Variants in UVSSA observed in about 807,000 individuals in gnomAD.
UVSSA encodes the protein UV-stimulated scaffold protein A.
A neutral mutation model predicts 73.9 loss-of-function variants in UVSSA; 72 were observed. The observed-to-expected ratio is 0.97, with a 90% CI of 0.81 to 1.19. The LOEUF is 1.19. UVSSA is among the 50% of genes most tolerant of loss of function. The probability of loss-of-function intolerance (pLI) is 0.00; values close to 1 mark genes in which losing one functional copy is unlikely to be tolerated. For missense variants in UVSSA, 1,150 were observed against 965.0 expected (o/e 1.19, Z -2.54); for synonymous variants, 454 against 391.3 (o/e 1.16, Z -1.89).
At chr4:1,394,282 T>C (rs1253703657) in exon 14 of UVSSA, 1 of 813,044 alleles carries the variant, frequency 1.2e-6, no homozygotes. Flanking sequence ...ATGAGTTATG[T>C]AGTTGAATTA....
intron 10 of UVSSA, among the ~76,000 whole-genome samples, chr4:1,377,527 G>C (rs922343704): frequency 6.6e-6 from 1 of 152,114 alleles, no homozygotes; most frequent in Non-Finnish European, 1.5e-5. Context: ...TTGCCACCAG[G>C]GGTGCCCCAA....
intron 8 of UVSSA, among the ~76,000 whole-genome samples, chr4:1,367,251 G>T (rs1392955137): frequency 1.3e-5 from 2 of 152,170 alleles, no homozygotes; most frequent in African/African-American, 4.8e-5. Context: ...CCAGGATTGT[G>T]GCCCTGGGGG....
chr4:1,351,962 G>C (rs955969003), intron 4 of UVSSA, 127 bp downstream of exon 4: 2 of 1,441,630 alleles, frequency 1.4e-6, no homozygotes, highest in African/African-American at 2.9e-5. Context: ...TAGGTGGAGA[G>C]GATTCAGGTC....
chr4:1,347,698 T>G lies in UVSSA; in HGVS notation c.-65T>G, dbSNP rs956602306. On this transcript the variant is annotated 5_prime_UTR_variant, in exon 1 of 14. Transcript: ENST00000389851. ...CTCCGGACGCGACTTTTCATTGGTC[T>G]CAGAATTTCTTGGCTCCTCTTGGCC... 5.8e-6 allele frequency: 1 copy of G among 171,168 alleles called. No homozygotes were observed. The highest frequency in any genetic ancestry group is 1.3e-5 in the Non-Finnish European group (1 of 79,068). 10.6% of individuals were successfully genotyped at this position (171,168 alleles called of 1,614,324 possible).
In UVSSA at chr4:1,383,923, G is replaced by A. The variant is rs762732553; in HGVS notation, c.2019G>A (p.Gly673=). The change falls in exon 13 of 14, where the codon GGG becomes GGA. Residue 673 remains glycine, a synonymous_variant. Transcript: ENST00000389851. The stretch of plus-strand genomic sequence containing the variant: ...CTGATACCGCCCGCGCTCGCATTGG[G>A]AGAAAAGTCTTCGCCAAGTAAGAGT... ...AQADTARARI[G]RKVFAKAAVR... is the part of the protein sequence containing the mutation. 18 of 1,612,324 alleles carry A rather than the reference G, an allele frequency of 1.1e-5. No homozygotes were observed. The highest frequency in any genetic ancestry group is 1.5e-5 in the Non-Finnish European group (18 of 1,179,560).
chr4:1,395,449 C>G, exon 14 of UVSSA: 1 of 1,594,002 alleles, frequency 6.3e-7, no homozygotes, highest in South Asian at 1.1e-5. Flanking sequence ...CCCGCCTGCT[C>G]ACGTGCCCAT....
intron 7 of UVSSA, among the ~76,000 whole-genome samples, chr4:1,363,450 G>A (rs1716916660): frequency 6.6e-6 from 1 of 152,170 alleles, no homozygotes; most frequent in Non-Finnish European, 1.5e-5. Context: ...TCAAGGGTGC[G>A]AACAGGAAGC....
chr4:1,394,234 G>A (rs976318669), exon 14 of UVSSA: 12 of 616,726 alleles, frequency 1.9e-5, no homozygotes, highest in Admixed American at 9.3e-5. Context: ...GCTTCTCAGC[G>A]GCCACTGTGG....
At chr4:1,379,739 T>G (rs1719218595) in intron 10 of UVSSA, among the ~76,000 whole-genome samples, 1 of 151,142 alleles carries the variant, frequency 6.6e-6, no homozygotes, top group African/African-American at 2.4e-5. Flanking sequence ...GTCGTGCCCG[T>G]GGTCGCGCGG....
chr4:1,383,967 C>A (rs750549013), intron 13 of UVSSA, 27 bp downstream of exon 13: 84 of 1,595,294 alleles, frequency 5.3e-5, no homozygotes, highest in Non-Finnish European at 6.8e-5. Flanking sequence ...GGTCACCTCC[C>A]ACCGCGTGGC....
In UVSSA at chr4:1,375,474, C is replaced by T; in HGVS notation, c.1399C>T (p.Leu467Phe). 2 of 1,612,172 alleles carry T rather than the reference C, an allele frequency of 1.2e-6. No individual in the cohort carries two copies. Among genetic ancestry groups the T allele is most frequent in the Non-Finnish European group, 1.7e-6 (2 of 1,179,950 alleles). Residue 467 changes from leucine (L) to phenylalanine (F), a missense_variant, in exon 9 of 14, where the codon CTC (leucine) becomes TTC (phenylalanine). Coordinates refer to ENST00000389851, the MANE Select transcript of UVSSA (RefSeq NM_020894.4). ...CTCTGCGGCTGCTCAGCTGCGGCAG[C>T]TCCGGGACCACTTGCCTCCACCCTC... is the stretch of plus-strand genomic sequence containing the variant. ...PTSAAAQLRQLRDHLPPPSSA... is the reference protein window; with the variant it reads ...PTSAAAQLRQFRDHLPPPSSA...
chr4:1,348,446 A>G (rs978450931), intron 2 of UVSSA, among the ~76,000 whole-genome samples: 3 of 152,220 alleles, frequency 2.0e-5, no homozygotes, highest in Non-Finnish European at 4.4e-5. Context: ...CACATCCTGT[A>G]GGAGTTCTTG....
intron 2 of UVSSA, 108 bp downstream of exon 2, chr4:1,348,297 C>A: frequency 1.2e-6 from 1 of 817,068 alleles, no homozygotes; most frequent in Non-Finnish European, 2.0e-6. Context: ...CCGAGGGACA[C>A]ACCCAGGACA....
At chr4:1,351,417 G>C (rs192680426) in intron 3 of UVSSA, among the ~76,000 whole-genome samples, 23 of 140,256 alleles carry the variant, frequency 1.6e-4, no homozygotes, top group African/African-American at 5.9e-4. Flanking sequence ...ACAGAGTCTC[G>C]CTCTGTCGCC....
chr4:1,374,384 C>T (rs1488082648), intron 8 of UVSSA, among the ~76,000 whole-genome samples: 6 of 152,242 alleles, frequency 3.9e-5, no homozygotes, highest in African/African-American at 9.6e-5. Flanking sequence ...CGAGAGGCGC[C>T]GTCAGGGTCG....
intron 8 of UVSSA, among the ~76,000 whole-genome samples, chr4:1,372,107 G>A (rs1051193078): frequency 2.0e-5 from 3 of 152,050 alleles, no homozygotes; most frequent in African/African-American, 7.2e-5. Context: ...AGCTTTTCTA[G>A]TACCCACATA....
chr4:1,386,080 A>T lies in UVSSA; in HGVS notation c.*119A>T, dbSNP rs531431808. The stretch of plus-strand genomic sequence containing the variant: ...CTTTGTCTATTACTGTGTTTGATGT[A>T]AAGAAATGGTGTGTTGCAATGCCCT... On this transcript the variant is annotated 3_prime_UTR_variant, in exon 14 of 14. Transcript: ENST00000389851. The T allele has an allele frequency of 9.3e-6, 10 of 1,075,300 alleles. No homozygotes were observed. Among genetic ancestry groups the T allele is most frequent in the Non-Finnish European group, 1.3e-5 (9 of 718,040 alleles). 66.6% of individuals were successfully genotyped at this position (1,075,300 alleles called of 1,614,324 possible).
At chr4:1,381,616 C>A (rs1481864418) in intron 12 of UVSSA, among the ~76,000 whole-genome samples, 2 of 152,146 alleles carry the variant, frequency 1.3e-5, no homozygotes, top group Non-Finnish European at 2.9e-5. Context: ...TATCTGTTTT[C>A]CAAGGAAGAT....
In UVSSA at chr4:1,350,052, G is replaced by A. The variant is rs529031698; in HGVS notation, c.429+198G>A. ...ATCTAGGGTCACGGCCTCCCTGAGA[G>A]GGGCGGCGCAGCTCTGAGAGGAAGA... On this transcript the variant is annotated intron_variant, in intron 3 of 13. Transcript: ENST00000389851. 5.3e-5 allele frequency among the ~76,000 whole-genome samples: 8 copies of A among 152,342 alleles called. No homozygotes were observed. The East Asian group carries it at 1.5e-3, about 29-fold the overall frequency.
Sources: gnomAD v4.1 joint callset for allele counts (sites outside exome capture counted in the v4.1 genomes callset) on GRCh38, gnomAD v4.1.1 for gene constraint, MANE v1.5 for transcripts, NCBI Gene and HGNC (gene_info 2026-07-23, HGNC 2026-07-21) for gene names.